Variants in TMEM132D observed in about 807,000 individuals in gnomAD.
The protein encoded by TMEM132D is transmembrane protein 132D.
TMEM132D carries 21 observed loss-of-function variants against 62.3 expected under a neutral mutation model. That is an observed-to-expected ratio of 0.34 (90% CI 0.24 to 0.49). The LOEUF is 0.49. Among genes scored for constraint, TMEM132D ranks in the 20% least tolerant of loss-of-function variants. The pLI, the probability that TMEM132D is intolerant of heterozygous loss-of-function variation, is 0.99. For missense variants in TMEM132D, 1,346 were observed against 1,402.8 expected, an observed-to-expected ratio of 0.96 and a Z score of 0.65; for synonymous variants, 621 against 575.6, an observed-to-expected ratio of 1.08 and a Z score of -1.13.
intron 2 of TMEM132D, among the ~76,000 whole-genome samples, chr12:129,612,825 C>G (rs1354009413): frequency 6.6e-6 from 1 of 152,174 alleles, no homozygotes; most frequent in East Asian, 1.9e-4. Context: ...CGAGATCACG[C>G]CACTGTACTC....
intron 2 of TMEM132D, among the ~76,000 whole-genome samples, chr12:129,686,623 C>G (rs1768553041): frequency 1.3e-5 from 2 of 152,324 alleles, no homozygotes; most frequent in African/African-American, 4.8e-5. Flanking sequence ...AACAGCTGGA[C>G]TGAATCCCAT....
At chr12:129,790,570 CCTCTT>C (rs1452712673) in intron 1 of TMEM132D, among the ~76,000 whole-genome samples, 4 of 152,116 alleles carry the variant, frequency 2.6e-5, no homozygotes, top group Non-Finnish European at 4.4e-5. Flanking sequence ...AGCTGCTTCT[CCTCTT>C]CTCCTCTGCT....
chr12:129,636,698 A>ATGTGTGTGTGTGTGTGTG lies in TMEM132D; in HGVS notation c.968+63094_968+63111dup, dbSNP rs542826978. 9.7e-4 allele frequency among the ~76,000 whole-genome samples: 105 copies of ATGTGTGTGTGTGTGTGTG among 107,940 alleles called. 1 individual carries two copies. Among genetic ancestry groups the ATGTGTGTGTGTGTGTGTG allele is most frequent in the East Asian group, 1.5e-3 (5 of 3,334 alleles). The allele number at this position is 107,940 out of a possible 152,430, so 70.8% of individuals were successfully genotyped here. ...AATGACCAAGTAAATTCATACAGAA[A>ATGTGTGTGTGTGTGTGTG]TGTGTGTGTGTGTGTGTGTGTGTGT... On this transcript the variant is annotated intron_variant, in intron 2 of 8. Coordinates refer to ENST00000422113, the MANE Select transcript of TMEM132D (RefSeq NM_133448.3).
intron 1 of TMEM132D, among the ~76,000 whole-genome samples, chr12:129,818,234 TG>T (rs749344084): frequency 2.6e-4 from 38 of 146,526 alleles, no homozygotes; most frequent in Non-Finnish European, 3.5e-4. Context: ...GTATGTGGTT[TG>T]GGGTGTGTCT....
chr12:129,412,769 CT>C (rs1872005710), intron 3 of TMEM132D, among the ~76,000 whole-genome samples: 1 of 152,174 alleles, frequency 6.6e-6, no homozygotes, highest in African/African-American at 2.4e-5. Flanking sequence ...AGGAGAATCA[CT>C]TGAACCCTGG....
chr12:129,894,705 CA>C (rs1248175601), intron 1 of TMEM132D, among the ~76,000 whole-genome samples: 2 of 150,942 alleles, frequency 1.3e-5, no homozygotes, highest in African/African-American at 4.9e-5. Context: ...CAAGACACCC[CA>C]CAGAGCTCGC....
intron 3 of TMEM132D, among the ~76,000 whole-genome samples, chr12:129,394,577 G>T (rs992947681): frequency 2.0e-5 from 3 of 152,226 alleles, no homozygotes; most frequent in Non-Finnish European, 2.9e-5. Context: ...TGGAGAAGGG[G>T]GAGACAGAGG....
At chr12:129,126,220 T>A (rs1203665180) in intron 5 of TMEM132D, among the ~76,000 whole-genome samples, 1 of 152,208 alleles carries the variant, frequency 6.6e-6, no homozygotes, top group Non-Finnish European at 1.5e-5. Context: ...AATCCCTCTA[T>A]ATTTATATCT....
intron 2 of TMEM132D, among the ~76,000 whole-genome samples, chr12:129,537,101 G>A (rs1014522211): frequency 4.3e-4 from 63 of 145,626 alleles, no homozygotes; most frequent in African/African-American, 1.3e-3. Flanking sequence ...CAGAGGTTGC[G>A]GTGAGCCGAG....
chr12:129,753,911 C>T (rs1164267176), intron 1 of TMEM132D, among the ~76,000 whole-genome samples: 2 of 152,154 alleles, frequency 1.3e-5, no homozygotes, highest in Non-Finnish European at 2.9e-5. Context: ...CTGATGTCTT[C>T]CCCTATTATT....
At chr12:129,855,329 G>A (rs561909134) in intron 1 of TMEM132D, among the ~76,000 whole-genome samples, 11 of 75,068 alleles carry the variant, frequency 1.5e-4, no homozygotes, top group African/African-American at 5.7e-4. Context: ...GAACGGGATG[G>A]GTGCCCTTAT....
chr12:129,100,872 G>T (rs1467355592), intron 5 of TMEM132D, among the ~76,000 whole-genome samples: 1 of 152,154 alleles, frequency 6.6e-6, no homozygotes, highest in Admixed American at 6.6e-5. Context: ...AATGGTCAGG[G>T]TCAAATCCTG....
In TMEM132D at chr12:129,803,078, A is replaced by C. The variant is rs928119469; in HGVS notation, c.79+100183T>G. ...CCTACAAAGAGACTTAGACTCCCAC[A>C]CATTAATAATGGGAGACTTTAACAC... On this transcript the variant is annotated intron_variant, in intron 1 of 8. Transcript: ENST00000422113. Among the ~76,000 whole-genome samples, 871 of 151,276 alleles carry C rather than the reference A, an allele frequency of 5.8e-3. 10 individuals are homozygous for C. The highest frequency in any genetic ancestry group is 0.02 in the African/African-American group (831 of 41,054).
chr12:129,456,857 G>T (rs1873488711), intron 3 of TMEM132D, among the ~76,000 whole-genome samples: 1 of 152,188 alleles, frequency 6.6e-6, no homozygotes, highest in Admixed American at 6.5e-5. Flanking sequence ...TAAAAGAAAA[G>T]AGAGTAGGGA....
At chr12:129,352,552 A>C (rs569635085) in intron 3 of TMEM132D, among the ~76,000 whole-genome samples, 1 of 152,048 alleles carries the variant, frequency 6.6e-6, no homozygotes, top group Non-Finnish European at 1.5e-5. Flanking sequence ...AGGAACTTAA[A>C]CAAATTTACA....
At chr12:129,129,359 A>G (rs1194725589) in intron 5 of TMEM132D, among the ~76,000 whole-genome samples, 1 of 152,184 alleles carries the variant, frequency 6.6e-6, no homozygotes, top group East Asian at 1.9e-4. Context: ...ATTCCATGGT[A>G]TATGTACCAT....
intron 1 of TMEM132D, among the ~76,000 whole-genome samples, chr12:129,737,134 C>G (rs921990170): frequency 1.3e-5 from 2 of 152,142 alleles, no homozygotes; most frequent in South Asian, 4.1e-4. Flanking sequence ...GTTTCTTAAC[C>G]TAGCACTACT....
intron 1 of TMEM132D, among the ~76,000 whole-genome samples, chr12:129,729,015 A>T (rs1869130501): frequency 1.3e-5 from 2 of 152,234 alleles, no homozygotes; most frequent in Admixed American, 6.5e-5. Flanking sequence ...TATAAAACAA[A>T]AGATTTTATG....
chr12:129,289,971 G>A (rs373720487), intron 4 of TMEM132D, among the ~76,000 whole-genome samples: 2 of 152,158 alleles, frequency 1.3e-5, no homozygotes, highest in Non-Finnish European at 2.9e-5. Context: ...ATTGGATCAC[G>A]CATGCCAGAA....
Sources: allele counts gnomAD v4.1 joint callset (sites outside exome capture counted in the v4.1 genomes callset), GRCh38; gene constraint gnomAD v4.1.1; transcripts MANE v1.5; gene names NCBI Gene and HGNC (gene_info 2026-07-23, HGNC 2026-07-21).